The following NR2C2 variants were observed in gnomAD, a reference collection of about 807,000 sequenced individuals.
NR2C2 encodes nuclear receptor subfamily 2 group C member 2, also known as Nuclear hormone receptor TR4.
Under a neutral mutation model 62.9 loss-of-function variants are expected in NR2C2, and 6 were observed. The observed-to-expected ratio is 0.10, with a 90% CI of 0.05 to 0.19. NR2C2 has a LOEUF of 0.19. Ranked by LOEUF, NR2C2 falls within the 10% of genes least tolerant of loss-of-function variation. NR2C2 has a pLI of 1.00. For synonymous variants in NR2C2, 272 were observed against 273.8 expected, an observed-to-expected ratio of 0.99 and a Z score of 0.07; for missense variants, 479 against 762.7, an observed-to-expected ratio of 0.63 and a Z score of 4.38.
At chr3:14,949,158 C>T (rs2039259973) in intron 1 of NR2C2, among the ~76,000 whole-genome samples, 1 of 151,922 alleles carries the variant, frequency 6.6e-6, no homozygotes, top group South Asian at 2.1e-4. Context: ...GTACAAGACC[C>T]CTGCCCTCAC....
At chr3:15,022,817 G>A (rs1446084394) in intron 5 of NR2C2, among the ~76,000 whole-genome samples, 1 of 152,118 alleles carries the variant, frequency 6.6e-6, no homozygotes, top group African/African-American at 2.4e-5. Context: ...CTTGAGCCCA[G>A]GATGAGTCCA....
At chr3:15,016,294 A>G (rs774951862) in intron 4 of NR2C2, 40 bp downstream of exon 4, 31 of 1,431,534 alleles carry the variant, frequency 2.2e-5, no homozygotes, top group Non-Finnish European at 3.1e-5. Context: ...ATAATGGGCC[A>G]ACAGCATGAA....
chr3:15,016,118 T>G, intron 3 of NR2C2, 34 bp from the exon 4 acceptor site: 1 of 1,538,762 alleles, frequency 6.5e-7, no homozygotes, highest in Non-Finnish European at 9.0e-7. Context: ...TGATTTTTAA[T>G]TGGCACCCCT....
chr3:15,005,368 CTTTTTTTTTTTT>C (rs761731325), intron 2 of NR2C2, among the ~76,000 whole-genome samples: 6 of 83,048 alleles, frequency 7.2e-5, no homozygotes, highest in Admixed American at 1.5e-4. Flanking sequence ...ACGCATAATG[CTTTTTTTTTTTT>C]TTTTTTTTTT....
At chr3:14,971,575 G>A (rs1185580352) in intron 1 of NR2C2, among the ~76,000 whole-genome samples, 6 of 151,496 alleles carry the variant, frequency 4.0e-5, no homozygotes, top group South Asian at 2.1e-4. Context: ...TTTCCACAGC[G>A]GCTGCAACCA....
intron 1 of NR2C2, among the ~76,000 whole-genome samples, chr3:15,003,417 G>A (rs2041078530): frequency 6.6e-6 from 1 of 152,138 alleles, no homozygotes; most frequent in Admixed American, 6.5e-5. Context: ...GAAATTACCA[G>A]GACGCTTTTA....
At chr3:15,021,008 T>C in intron 5 of NR2C2, 76 bp downstream of exon 5, 1 of 1,393,534 alleles carries the variant, frequency 7.2e-7, no homozygotes, top group African/African-American at 1.5e-5. Flanking sequence ...ATAAGGTTTC[T>C]ATACCTGGCC....
chr3:15,040,138 T>G (rs1190880518), intron 13 of NR2C2, among the ~76,000 whole-genome samples: 2 of 150,818 alleles, frequency 1.3e-5, no homozygotes, highest in Admixed American at 6.6e-5. Flanking sequence ...CCAGCCTGGG[T>G]GACAGAGTGA....
At chr3:15,008,155 A>G (rs2041243474) in intron 2 of NR2C2, among the ~76,000 whole-genome samples, 1 of 151,966 alleles carries the variant, frequency 6.6e-6, no homozygotes, top group African/African-American at 2.4e-5. Flanking sequence ...AGAACTATAA[A>G]TTTGATTTTG....
chr3:15,030,522 G>T, intron 9 of NR2C2, 70 bp downstream of exon 9: 1 of 1,444,040 alleles, frequency 6.9e-7, no homozygotes, highest in Non-Finnish European at 9.2e-7. Context: ...AAGCCGATCT[G>T]CAGTTTTAAA....
At chr3:15,001,318 G>GTTTTTTTTTTTT (rs61017075) in intron 1 of NR2C2, among the ~76,000 whole-genome samples, 3 of 97,484 alleles carry the variant, frequency 3.1e-5, no homozygotes, top group African/African-American at 3.8e-5. Context: ...TTTGTTTTGG[G>GTTTTTTTTTTTT]TTTTTTTTTT....
intron 1 of NR2C2, among the ~76,000 whole-genome samples, chr3:15,000,101 A>G (rs763905770): frequency 4.0e-5 from 6 of 150,808 alleles, no homozygotes; most frequent in Non-Finnish European, 8.9e-5. Context: ...ATGCTGTGCA[A>G]TAGGTCTAAA....
At chr3:14,963,672 G>C (rs1462549602) in intron 1 of NR2C2, among the ~76,000 whole-genome samples, 1 of 152,018 alleles carries the variant, frequency 6.6e-6, no homozygotes, top group Non-Finnish European at 1.5e-5. Flanking sequence ...GGGTTTCACT[G>C]TGTTAGCCAG....
intron 6 of NR2C2, among the ~76,000 whole-genome samples, chr3:15,023,576 G>A (rs2041736984): frequency 6.6e-6 from 1 of 152,186 alleles, no homozygotes; most frequent in South Asian, 2.1e-4. Context: ...TTCAGATTAT[G>A]TCCTGCAATT....
intron 1 of NR2C2, among the ~76,000 whole-genome samples, chr3:14,975,382 A>AC (rs2040174551): frequency 6.6e-6 from 1 of 152,202 alleles, no homozygotes; most frequent in Non-Finnish European, 1.5e-5. Context: ...ATGTTGAGGT[A>AC]ATTTCCTTCT....
intron 1 of NR2C2, chr3:14,959,598 G>A (rs1302073981): frequency 6.6e-6 from 1 of 152,114 alleles, no homozygotes; most frequent in East Asian, 1.9e-4. Context: ...GATGATGCCT[G>A]ATGCTGCTTT....
At chr3:15,028,842 A>G (rs1401183259) in intron 8 of NR2C2, 123 bp downstream of exon 8, 5 of 1,052,346 alleles carry the variant, frequency 4.8e-6, no homozygotes, top group Non-Finnish European at 5.5e-6. Flanking sequence ...AATTGTTACA[A>G]TGACCCTGCT....
intron 2 of NR2C2, among the ~76,000 whole-genome samples, chr3:15,012,351 A>G (rs1263218061): frequency 6.6e-6 from 1 of 151,798 alleles, no homozygotes; most frequent in African/African-American, 2.4e-5. Context: ...TTGGCATTCC[A>G]AGTAGCTGGG....
intron 5 of NR2C2, among the ~76,000 whole-genome samples, chr3:15,022,942 C>T (rs2041718037): frequency 6.6e-6 from 1 of 152,082 alleles, no homozygotes; most frequent in South Asian, 2.1e-4. Context: ...TTCCATAGGC[C>T]ACATAGGTGC....
Sources: allele counts gnomAD v4.1 joint callset (sites outside exome capture counted in the v4.1 genomes callset), GRCh38; gene constraint gnomAD v4.1.1; transcripts MANE v1.5; gene names NCBI Gene and HGNC (gene_info 2026-07-23, HGNC 2026-07-21).